Variants in ZEB1 observed in about 807,000 individuals in gnomAD.
ZEB1 encodes zinc finger E-box binding homeobox 1, also known as zinc finger E-box-binding homeobox 1.
A neutral mutation model predicts 84.9 loss-of-function variants in ZEB1; 21 were observed. The ratio of observed to expected loss-of-function variants is 0.25; its 90% confidence interval spans 0.18 to 0.36. ZEB1 has a LOEUF of 0.36. Ranked by LOEUF, ZEB1 falls within the 10% of genes least tolerant of loss-of-function variation. ZEB1 has a pLI of 1.00. For synonymous variants in ZEB1, 420 were observed against 471.1 expected, an observed-to-expected ratio of 0.89 and a Z score of 1.41; for missense variants, 1,104 against 1,330.2, an observed-to-expected ratio of 0.83 and a Z score of 2.65.
At chr10:31,489,803 TC>T (rs2066260968) in intron 2 of ZEB1, among the ~76,000 whole-genome samples, 1 of 151,370 alleles carries the variant, frequency 6.6e-6, no homozygotes, top group African/African-American at 2.4e-5. Context: ...CTACATCATT[TC>T]TCTTCTTCTT....
chr10:31,422,991 G>A (rs1395475836), intron 1 of ZEB1, among the ~76,000 whole-genome samples: 2 of 151,950 alleles, frequency 1.3e-5, no homozygotes, highest in Non-Finnish European at 2.9e-5. Flanking sequence ...CTGCCGCAAA[G>A]GACATGATTT....
At chr10:31,351,979 G>A (rs1010304359) in intron 1 of ZEB1, among the ~76,000 whole-genome samples, 1 of 152,066 alleles carries the variant, frequency 6.6e-6, no homozygotes, top group African/African-American at 2.4e-5. Flanking sequence ...AATGTAGTAT[G>A]TTTTACTGTA....
chr10:31,321,655 T>G, intron 1 of ZEB1: 1 of 1,362,034 alleles, frequency 7.3e-7, no homozygotes, highest in Non-Finnish European at 1.1e-6. Flanking sequence ...CCACCCAGCG[T>G]CTGTGCAGCT....
intron 1 of ZEB1, among the ~76,000 whole-genome samples, chr10:31,454,278 A>G (rs896779603): frequency 3.3e-5 from 5 of 152,204 alleles, no homozygotes; most frequent in African/African-American, 9.7e-5. Flanking sequence ...AATAAAAGCT[A>G]TTTATGACAA....
intron 2 of ZEB1, among the ~76,000 whole-genome samples, chr10:31,467,301 G>C (rs2062560928): frequency 6.6e-6 from 1 of 152,160 alleles, no homozygotes; most frequent in African/African-American, 2.4e-5. Flanking sequence ...CAGTGTGCTA[G>C]GCAGCTGCAG....
intron 1 of ZEB1, among the ~76,000 whole-genome samples, chr10:31,395,481 C>T (rs1322997094): frequency 1.3e-5 from 2 of 152,106 alleles, no homozygotes; most frequent in African/African-American, 2.4e-5. Context: ...ACAATAAAGA[C>T]ACCTTAAAAT....
At chr10:31,413,038 A>G (rs796997480) in intron 1 of ZEB1, among the ~76,000 whole-genome samples, 32 of 152,334 alleles carry the variant, frequency 2.1e-4, no homozygotes, top group African/African-American at 7.2e-4. Context: ...ATTTTCATTT[A>G]TCTTAATCCA....
At chr10:31,375,910 A>C (rs2046539150) in intron 1 of ZEB1, among the ~76,000 whole-genome samples, 1 of 151,750 alleles carries the variant, frequency 6.6e-6, no homozygotes, top group African/African-American at 2.4e-5. Flanking sequence ...AGTTATGAAG[A>C]AGTTAAAAAG....
intron 6 of ZEB1, among the ~76,000 whole-genome samples, chr10:31,518,183 T>C (rs1426599253): frequency 1.3e-5 from 2 of 152,150 alleles, no homozygotes; most frequent in Non-Finnish European, 2.9e-5. Flanking sequence ...CTGGAAACTT[T>C]TGTCTGTTGT....
chr10:31,476,020 C>T (rs2064115338), intron 2 of ZEB1, among the ~76,000 whole-genome samples: 1 of 152,062 alleles, frequency 6.6e-6, no homozygotes. Context: ...CAGGACTTAA[C>T]CATCTGCTGC....
rs183177788 is a variant in ZEB1, at chr10:31,382,801, A to G, written c.58+63509A>G. ...GAAAGTGATAATAGGTATAAGTTAT[A>G]TATTGTTGTAAATATGCAAGTTTAG... On this transcript the variant is annotated intron_variant, in intron 1 of 8. Transcript: ENST00000424869. 2.7e-3 allele frequency among the ~76,000 whole-genome samples: 416 copies of G among 152,276 alleles called. 2 individuals are homozygous for G. The highest frequency in any genetic ancestry group is 4.9e-3 in the Non-Finnish European group (334 of 67,986).
At chr10:31,473,614 C>T (rs1391255599) in intron 2 of ZEB1, among the ~76,000 whole-genome samples, 4 of 149,354 alleles carry the variant, frequency 2.7e-5, no homozygotes, top group East Asian at 3.9e-4. Context: ...GAATCAATAT[C>T]GTGAAAATGG....
At chr10:31,339,069 C>T (rs1297967009) in intron 1 of ZEB1, among the ~76,000 whole-genome samples, 1 of 152,138 alleles carries the variant, frequency 6.6e-6, no homozygotes, top group African/African-American at 2.4e-5. Context: ...AAGAATCAGA[C>T]AAATCCTTTA....
intron 1 of ZEB1, among the ~76,000 whole-genome samples, chr10:31,411,250 C>A (rs1226452030): frequency 6.6e-6 from 1 of 152,104 alleles, no homozygotes; most frequent in Non-Finnish European, 1.5e-5. Flanking sequence ...GAACAACCTG[C>A]TCCTGAATGA....
At chr10:31,414,674 A>G (rs1045858340) in intron 1 of ZEB1, among the ~76,000 whole-genome samples, 3 of 152,150 alleles carry the variant, frequency 2.0e-5, no homozygotes, top group African/African-American at 7.2e-5. Context: ...ATTTCTACCT[A>G]TGGTAACTCA....
chr10:31,345,605 G>C (rs964087488), intron 1 of ZEB1, among the ~76,000 whole-genome samples: 1 of 152,112 alleles, frequency 6.6e-6, no homozygotes, highest in African/African-American at 2.4e-5. Flanking sequence ...GGCCCACCTT[G>C]ACTAAGCAGG....
intron 1 of ZEB1, among the ~76,000 whole-genome samples, chr10:31,444,462 G>T (rs1220370144): frequency 2.0e-5 from 3 of 151,838 alleles, no homozygotes; most frequent in African/African-American, 7.3e-5. Context: ...CATTGCTTTT[G>T]GTGTTTTAGA....
At chr10:31,426,584 G>A (rs1271028836) in intron 1 of ZEB1, among the ~76,000 whole-genome samples, 1 of 152,142 alleles carries the variant, frequency 6.6e-6, no homozygotes, top group Non-Finnish European at 1.5e-5. Flanking sequence ...TCCAACTGGG[G>A]ACATCCTGTG....
chr10:31,491,256 A>G (rs1422140803), intron 2 of ZEB1, among the ~76,000 whole-genome samples: 1 of 151,802 alleles, frequency 6.6e-6, no homozygotes. Context: ...AGCTGAAAGA[A>G]GACAGGGAGA....
Sources: allele counts gnomAD v4.1 joint callset (sites outside exome capture counted in the v4.1 genomes callset), GRCh38; gene constraint gnomAD v4.1.1; transcripts MANE v1.5; gene names NCBI Gene and HGNC (gene_info 2026-07-23, HGNC 2026-07-21).